Variants in SV2B observed in about 807,000 individuals in gnomAD.
The protein encoded by SV2B is solute carrier family 22 member B2.
A neutral mutation model predicts 73.9 loss-of-function variants in SV2B; 41 were observed. The ratio of observed to expected loss-of-function variants is 0.56; its 90% CI spans 0.43 to 0.72. The LOEUF is 0.72. Among genes scored for constraint, SV2B ranks in the 30% least tolerant of loss-of-function variants. SV2B has a pLI of 0.00. For missense variants in SV2B, 764 were observed against 857.8 expected, an observed-to-expected ratio of 0.89 and a Z score of 1.37; for synonymous variants, 314 against 314.2, an observed-to-expected ratio of 1.00 and a Z score of 0.01.
intron 2 of SV2B, among the ~76,000 whole-genome samples, chr15:91,244,722 C>T (rs1239791092): frequency 2.0e-5 from 3 of 152,178 alleles, no homozygotes; most frequent in Non-Finnish European, 2.9e-5. Context: ...CTGTGAATCC[C>T]ATGCCCTAGT....
At chr15:91,120,602 C>T (rs187559169) in intron 1 of SV2B, among the ~76,000 whole-genome samples, 17 of 151,880 alleles carry the variant, frequency 1.1e-4, no homozygotes, top group Non-Finnish European at 2.4e-4. Flanking sequence ...TCCCTTGAGC[C>T]CGAAAGTTGG....
intron 5 of SV2B, among the ~76,000 whole-genome samples, chr15:91,259,442 C>A (rs1390904359): frequency 6.6e-6 from 1 of 152,204 alleles, no homozygotes; most frequent in East Asian, 1.9e-4. Flanking sequence ...TCCTCCATGT[C>A]CAATGTCCGT....
At chr15:91,279,579 T>C (rs568213631) in intron 9 of SV2B, among the ~76,000 whole-genome samples, 4 of 152,362 alleles carry the variant, frequency 2.6e-5, no homozygotes, top group Admixed American at 6.5e-5. Flanking sequence ...TTTCTCCTTT[T>C]ATCTCTTCCC....
rs2042167915 is a variant in SV2B at position 91,115,975 on chromosome 15, C to CAT, written c.-392+15614_-392+15615dup. 6.6e-6 allele frequency among the ~76,000 whole-genome samples: 1 copy of CAT among 152,274 alleles called. No homozygotes were observed. Among genetic ancestry groups the CAT allele is most frequent in the Non-Finnish European group, 1.5e-5 (1 of 68,010 alleles). ...CACCTTAACAGAGTACATGCACACACATACACACACACATAAATATACATA... is the reference window on the plus strand; with the variant it reads ...CACCTTAACAGAGTACATGCACACACATATACACACACACATAAATATACATA... On this transcript the variant is annotated intron_variant, in intron 1 of 12. Transcript: ENST00000394232. This position sits in a 1 kb window ranked among gnomAD's most constrained non-coding sequence, Gnocchi z 4.3.
chr15:91,104,586 A>G (rs937605782), intron 1 of SV2B, among the ~76,000 whole-genome samples: 1 of 152,178 alleles, frequency 6.6e-6, no homozygotes, highest in Non-Finnish European at 1.5e-5. Context: ...AAGAATTGAG[A>G]CATTTTGCAA....
At chr15:91,285,215 C>G (rs970364735) in intron 11 of SV2B, among the ~76,000 whole-genome samples, 1 of 152,190 alleles carries the variant, frequency 6.6e-6, no homozygotes, top group Admixed American at 6.5e-5. Flanking sequence ...TAAATAGTAG[C>G]ATGCATATTC....
chr15:91,226,659 C>A lies in SV2B; in HGVS notation c.396C>A (p.Ala132=), dbSNP rs754394449. Residue 132 remains alanine (A), a synonymous_variant, in exon 2 of 13, where the codon GCC becomes GCA. Transcript: ENST00000394232. ...DGVEVFVVSF[A]LPSAEKDMCL... ...TGGAAGTGTTCGTGGTGAGTTTTGC[C>A]CTGCCCAGTGCAGAGAAGGACATGT... 2.0e-5 allele frequency: 32 copies of A among 1,613,802 alleles called. No individual in the cohort carries two copies. Among genetic ancestry groups the A allele is most frequent in the Non-Finnish European group, 2.7e-5 (32 of 1,179,990 alleles).
chr15:91,108,948 T>C (rs2041963527), intron 1 of SV2B, among the ~76,000 whole-genome samples: 2 of 152,234 alleles, frequency 1.3e-5, no homozygotes, highest in South Asian at 2.1e-4. Context: ...ACCCACCTCC[T>C]GTTCCCTTCA....
chr15:91,271,142 G>A (rs1019452945), intron 9 of SV2B, among the ~76,000 whole-genome samples: 3 of 152,136 alleles, frequency 2.0e-5, no homozygotes, highest in Admixed American at 2.0e-4. Flanking sequence ...GATGATGGGT[G>A]GACGGTGAAT....
At chr15:91,169,354 A>G (rs565260581) in intron 1 of SV2B, among the ~76,000 whole-genome samples, 1 of 152,308 alleles carries the variant, frequency 6.6e-6, no homozygotes, top group South Asian at 2.1e-4. Flanking sequence ...AGCATGTTTC[A>G]GTACTTGGTC....
rs1318344901 is a variant in SV2B at position 91,118,827 on chromosome 15, A to C, written c.-392+18464A>C. Among the ~76,000 whole-genome samples, 1 of 152,206 alleles carries C rather than the reference A, an allele frequency of 6.6e-6. No individual in the cohort carries two copies. Among genetic ancestry groups the C allele is most frequent in the African/African-American group, 2.4e-5 (1 of 41,450 alleles). On this transcript the variant is annotated intron_variant, in intron 1 of 12. Coordinates refer to ENST00000394232, the MANE Select transcript of SV2B (RefSeq NM_001323032.3). The surrounding 1 kb of genome is among the most constrained non-coding windows in gnomAD (Gnocchi z 4.7). ...TCACTCATTCTTGTTTGAATGAACA[A>C]AATTAATCTGCCTCCTTCCTCCATT...
At position 91,137,082 on chromosome 15, in the gene SV2B, C is replaced by T. The variant is rs79534947; in HGVS notation, c.-392+36719C>T. ...TTGTAAACCAGTTATTGGGGTGACTCGTAAGAAGCAGGCAGTCACTGAGCC... is the reference window on the plus strand; with the variant it reads ...TTGTAAACCAGTTATTGGGGTGACTTGTAAGAAGCAGGCAGTCACTGAGCC... On this transcript the variant is annotated intron_variant, in intron 1 of 12. Transcript: ENST00000394232. The surrounding 1 kb of genome is among the most constrained non-coding windows in gnomAD (Gnocchi z 4.9). Among the ~76,000 whole-genome samples the T allele has an allele frequency of 0.027, 4,159 of 152,162 alleles. 206 individuals are homozygous for T. Among genetic ancestry groups the T allele is most frequent in the African/African-American group, 0.092 (3,829 of 41,502 alleles).
intron 1 of SV2B, among the ~76,000 whole-genome samples, chr15:91,189,722 C>G (rs867355347): frequency 5.3e-5 from 8 of 152,238 alleles, no homozygotes; most frequent in African/African-American, 1.9e-4. Flanking sequence ...GGCGCGGTGG[C>G]TCACGCCTGT....
intron 1 of SV2B, among the ~76,000 whole-genome samples, chr15:91,212,926 A>G (rs1380744844): frequency 6.6e-6 from 1 of 151,740 alleles, no homozygotes; most frequent in African/African-American, 2.4e-5. Flanking sequence ...GGATCACTTG[A>G]GGCCAGGAGT....
intron 1 of SV2B, among the ~76,000 whole-genome samples, chr15:91,218,959 T>C (rs998475424): frequency 2.6e-5 from 4 of 152,106 alleles, no homozygotes; most frequent in African/African-American, 9.7e-5. Context: ...TTTTTTTTAA[T>C]ACATGGTCTT....
rs924740722 is a variant in SV2B at position 91,118,426 on chromosome 15, G to A, written c.-392+18063G>A. On this transcript the variant is annotated intron_variant, in intron 1 of 12. Coordinates refer to ENST00000394232, the MANE Select transcript of SV2B (RefSeq NM_001323032.3). The surrounding 1 kb of genome is among the most constrained non-coding windows in gnomAD (Gnocchi z 4.7). ...AGATGGGTGGTAGTACAGTGCTAAG[G>A]GAAGAAAAGAACATTTTTTCCTTTG... 6.6e-6 allele frequency among the ~76,000 whole-genome samples: 1 copy of A among 152,206 alleles called. No individual in the cohort carries two copies. Among genetic ancestry groups the A allele is most frequent in the Non-Finnish European group, 1.5e-5 (1 of 68,032 alleles).
intron 5 of SV2B, among the ~76,000 whole-genome samples, chr15:91,259,513 G>C (rs2047829861): frequency 6.6e-6 from 1 of 152,220 alleles, no homozygotes; most frequent in South Asian, 2.1e-4. Context: ...GGTTGGATAT[G>C]AGTGTCCTAG....
At chr15:91,189,774 G>T (rs1004753081) in intron 1 of SV2B, among the ~76,000 whole-genome samples, 1 of 152,230 alleles carries the variant, frequency 6.6e-6, no homozygotes, top group African/African-American at 2.4e-5. Context: ...GGATCACGAG[G>T]TCAGGAGATC....
At chr15:91,201,598 C>A (rs1055395064) in intron 1 of SV2B, among the ~76,000 whole-genome samples, 1 of 152,192 alleles carries the variant, frequency 6.6e-6, no homozygotes, top group African/African-American at 2.4e-5. Flanking sequence ...CTGATCCCAC[C>A]CTGTCTTCAG....
Sources: gnomAD v4.1 joint callset for allele counts (sites outside exome capture counted in the v4.1 genomes callset) on GRCh38, gnomAD v4.1.1 for gene constraint, Gnocchi (gnomAD v3.1) non-coding constraint, MANE v1.5 for transcripts, NCBI Gene and HGNC (gene_info 2026-07-23, HGNC 2026-07-21) for gene names.